IDE: variants seen among roughly 807,000 people sequenced by gnomAD.
IDE encodes the protein insulin-degrading enzyme.
IDE carries 58 observed loss-of-function variants against 133.2 expected under a neutral mutation model. The ratio of observed to expected loss-of-function variants is 0.44; its 90% CI spans 0.35 to 0.54. The LOEUF (loss-of-function observed/expected upper bound fraction) is 0.54, where lower values mean the gene tolerates loss of function less well. Among genes scored for constraint, IDE ranks in the 20% least tolerant of loss-of-function variants. The pLI is 0.00. For missense variants in IDE, 981 were observed against 1,234.0 expected, an observed-to-expected ratio of 0.79 and a Z score of 3.07; for synonymous variants, 396 against 421.3, an observed-to-expected ratio of 0.94 and a Z score of 0.73.
In IDE at chr10:92,531,853, C is replaced by A; in HGVS notation, c.556G>T (p.Val186Phe). 1 of 1,592,110 alleles carries A rather than the reference C, an allele frequency of 6.3e-7. No individual in the cohort carries two copies. Among genetic ancestry groups the A allele is most frequent in the Non-Finnish European group, 8.6e-7 (1 of 1,166,576 alleles). ...ACATTCTTCTCATGTTCTGAATCAA[C>A]TGCATTCACCTCTCTGTCTTTGCAA... ...ESCKDREVNA[V>F]DSEHEKNVMN... Residue 186 changes from valine (V) to phenylalanine (F), a missense_variant, in exon 4 of 25, where the codon GTT (valine) becomes TTT (phenylalanine). Val to Phe is a conservative substitution (Grantham distance 50). This residue lies in a region of IDE where 321 missense variants were observed against 339.3 expected (regional missense o/e 0.95). Coordinates refer to ENST00000265986, the MANE Select transcript of IDE (RefSeq NM_004969.4).
Position 92,483,238 on chromosome 10 carries a change from A to G in IDE, c.1739+17T>C, listed in dbSNP as rs1435811386. On this transcript the variant is annotated intron_variant, in intron 14 of 24. Coordinates refer to ENST00000265986, the MANE Select transcript of IDE (RefSeq NM_004969.4). ...TTGATTTTTATAAGCTTTATAAGCT[A>G]GATTCATCTTACATACCTGAAAAAT... 23 of 1,293,438 alleles carry G rather than the reference A, an allele frequency of 1.8e-5. No individual in the cohort carries two copies. Among genetic ancestry groups the G allele is most frequent in the Non-Finnish European group, 2.5e-5 (22 of 889,160 alleles). The allele number at this position is 1,293,438 out of a possible 1,614,324, so 80.1% of individuals were successfully genotyped here. A position where few individuals can be genotyped will look rare whatever the true frequency, so the allele number is the denominator to read the frequency against.
chr10:92,460,385 C>T (rs1845310532), intron 22 of IDE, among the ~76,000 whole-genome samples: 1 of 152,132 alleles, frequency 6.6e-6, no homozygotes, highest in African/African-American at 2.4e-5. Context: ...GTTCTTCCTT[C>T]CCACCAAACA....
rs55861862 is a variant in IDE at position 92,501,362 on chromosome 10, T to TAAA, written c.1430+3429_1430+3431dup. Reference sequence around the variant, plus strand: ...GGGCAACAGAGCAAGACTCTGTCATTAAAAAAAAAAAAAAAAAAAAAAAAA... The same window carrying TAAA: ...GGGCAACAGAGCAAGACTCTGTCATTAAAAAAAAAAAAAAAAAAAAAAAAAAAA... On this transcript the variant is annotated intron_variant, in intron 11 of 24. Coordinates refer to ENST00000265986, the MANE Select transcript of IDE (RefSeq NM_004969.4). Among the ~76,000 whole-genome samples, 41 of 19,236 alleles carry TAAA rather than the reference T, an allele frequency of 2.1e-3. 9 individuals are homozygous for TAAA. Among genetic ancestry groups the TAAA allele is most frequent in the African/African-American group, 9.4e-3 (37 of 3,948 alleles). 12.6% of individuals were successfully genotyped at this position (19,236 alleles called of 152,430 possible). A position where few individuals can be genotyped will look rare whatever the true frequency, so the allele number is the denominator to read the frequency against.
intron 1 of IDE, among the ~76,000 whole-genome samples, chr10:92,549,008 A>G (rs1163793437): frequency 5.3e-5 from 8 of 152,240 alleles, no homozygotes; most frequent in Non-Finnish European, 8.8e-5. Context: ...CTGTAATCCC[A>G]GCACTTTGGG....
chr10:92,515,361 G>A (rs1428623141), intron 4 of IDE, among the ~76,000 whole-genome samples: 3 of 150,088 alleles, frequency 2.0e-5, no homozygotes, highest in African/African-American at 7.4e-5. Flanking sequence ...CCGGGTTCAC[G>A]CCATTCTCCT....
chr10:92,565,043 T>C (rs932179117), intron 1 of IDE, among the ~76,000 whole-genome samples: 1 of 151,546 alleles, frequency 6.6e-6, no homozygotes, highest in East Asian at 1.9e-4. Flanking sequence ...GTCAGGAGTT[T>C]GAGACCAGCC....
At chr10:92,484,489 T>C (rs1589401574) in intron 13 of IDE, among the ~76,000 whole-genome samples, 1 of 151,576 alleles carries the variant, frequency 6.6e-6, no homozygotes, top group South Asian at 2.1e-4. Flanking sequence ...TCCCAGCACT[T>C]TGGGAGGCCA....
intron 11 of IDE, among the ~76,000 whole-genome samples, chr10:92,500,529 A>T (rs1004558275): frequency 1.3e-5 from 2 of 152,192 alleles, no homozygotes; most frequent in Admixed American, 1.3e-4. Flanking sequence ...TAGAAACAGA[A>T]TGTAGAATAG....
chr10:92,518,234 G>A (rs1051760405), intron 4 of IDE, among the ~76,000 whole-genome samples: 2 of 151,966 alleles, frequency 1.3e-5, no homozygotes, highest in Non-Finnish European at 2.9e-5. Context: ...CTGCCATCTC[G>A]GCTCACTGCA....
intron 1 of IDE, among the ~76,000 whole-genome samples, chr10:92,563,162 A>G (rs1043572007): frequency 2.0e-5 from 3 of 152,126 alleles, no homozygotes; most frequent in African/African-American, 7.2e-5. Context: ...GAGACAGGAG[A>G]ATTGCTTGAA....
intron 1 of IDE, among the ~76,000 whole-genome samples, chr10:92,543,438 C>G (rs190168065): frequency 6.6e-6 from 1 of 152,190 alleles, no homozygotes; most frequent in African/African-American, 2.4e-5. Flanking sequence ...TAGGGAACCA[C>G]CTACCCAAAG....
At chr10:92,474,673 G>A (rs551391442) in intron 17 of IDE, 168 bp downstream of exon 17, 2 of 561,892 alleles carry the variant, frequency 3.6e-6, no homozygotes, top group African/African-American at 1.9e-5. Context: ...ATATGTTACT[G>A]TTAACTATAG....
chr10:92,506,314 T>C (rs1160618510), intron 10 of IDE, 128 bp downstream of exon 10: 11 of 449,154 alleles, frequency 2.4e-5, no homozygotes, highest in Non-Finnish European at 4.0e-5. Context: ...ATTTGCCCTG[T>C]TGCTACAAAG....
intron 4 of IDE, among the ~76,000 whole-genome samples, chr10:92,520,084 G>A (rs1289831283): frequency 6.6e-6 from 1 of 152,152 alleles, no homozygotes; most frequent in Non-Finnish European, 1.5e-5. Flanking sequence ...CAGCCTGGGT[G>A]ACAGAGCAAG....
chr10:92,506,062 G>A lies in IDE; in HGVS notation c.1326+380C>T, dbSNP rs202196747. 5.9e-5 allele frequency among the ~76,000 whole-genome samples: 9 copies of A among 152,244 alleles called. No homozygotes were observed. In the South Asian group the frequency reaches 1.2e-3, roughly 21 times the overall value. On this transcript the variant is annotated intron_variant, in intron 10 of 24. Coordinates refer to ENST00000265986, the MANE Select transcript of IDE (RefSeq NM_004969.4). The stretch of plus-strand genomic sequence containing the variant: ...GGGGACCAAGAGGAAAATAGGGATC[G>A]CAGGTAAAAGACTATCATGGTAGCC...
intron 11 of IDE, among the ~76,000 whole-genome samples, chr10:92,498,165 TAA>T (rs776720405): frequency 3.9e-5 from 6 of 152,246 alleles, no homozygotes; most frequent in Non-Finnish European, 7.3e-5. Context: ...TGACATTATA[TAA>T]AGTTAACTTT....
Position 92,452,240 on chromosome 10 carries a change from C to G in IDE, c.*2204G>C, listed in dbSNP as rs918375097. ...TGGAAAAATAATACAAATGCAGACT[C>G]CAGAGGTGAAATTCAGGCGATTTAT... On this transcript the variant is annotated 3_prime_UTR_variant, in exon 25 of 25. Transcript: ENST00000265986. 8 of 152,304 alleles carry G rather than the reference C, an allele frequency of 5.3e-5. 2 individuals carry two copies. Among genetic ancestry groups the G allele is most frequent in the Admixed American group, 5.2e-4 (8 of 15,296 alleles). The allele number at this position is 152,304 out of a possible 1,614,324, so 9.4% of individuals were successfully genotyped here. A position where few individuals can be genotyped will look rare whatever the true frequency, so the allele number is the denominator to read the frequency against.
rs74479757 is a variant in IDE at position 92,472,551 on chromosome 10, C to T, written c.2117-2206G>A. On this transcript the variant is annotated intron_variant, in intron 17 of 24. Coordinates refer to ENST00000265986, the MANE Select transcript of IDE (RefSeq NM_004969.4). ...CAAAATAATGACTTTCAGTACTTTG[C>T]TCGATTTGTGTCACTGATGACATCA... Among the ~76,000 whole-genome samples the T allele has an allele frequency of 4.9e-3, 749 of 152,098 alleles. 8 individuals are homozygous for T. The highest frequency in any genetic ancestry group is 0.017 in the African/African-American group (712 of 41,478).
At chr10:92,485,053 T>TA (rs958041126) in intron 13 of IDE, among the ~76,000 whole-genome samples, 52 of 150,698 alleles carry the variant, frequency 3.5e-4, no homozygotes, top group African/African-American at 9.5e-4. Flanking sequence ...GCGAGTCTTT[T>TA]AAAAAAAGGA....
Sources: allele counts gnomAD v4.1 joint callset (sites outside exome capture counted in the v4.1 genomes callset), GRCh38; gene constraint gnomAD v4.1.1; regional missense constraint gnomAD v4.1.1; transcripts MANE v1.5; gene names NCBI Gene and HGNC (gene_info 2026-07-23, HGNC 2026-07-21).